The following SIK2 variants were observed in gnomAD, a reference collection of about 807,000 sequenced individuals.
SIK2 encodes serine/threonine-protein kinase SIK2.
In SIK2, 29 loss-of-function variants were observed where a neutral mutation model predicts 103.2. That is an observed-to-expected ratio of 0.28 (90% CI 0.21 to 0.38). SIK2 has a LOEUF of 0.38. SIK2 is among the 10% of genes least tolerant of loss of function. The pLI, the probability that SIK2 is intolerant of heterozygous loss-of-function variation, is 1.00. For missense variants in SIK2, 879 were observed against 1,171.0 expected, an observed-to-expected ratio of 0.75 and a Z score of 3.64; for synonymous variants, 412 against 446.1, an observed-to-expected ratio of 0.92 and a Z score of 0.96.
intron 3 of SIK2, among the ~76,000 whole-genome samples, chr11:111,679,792 G>GCTATCTGTCTTGA (rs1942753683): frequency 6.6e-6 from 1 of 152,198 alleles, no homozygotes; most frequent in African/African-American, 2.4e-5. Context: ...ACCAGCACAA[G>GCTATCTGTCTTGA]CTGAGCTGTC....
intron 4 of SIK2, among the ~76,000 whole-genome samples, chr11:111,695,419 TA>T (rs34751696): frequency 6.6e-6 from 1 of 151,918 alleles, no homozygotes; most frequent in Admixed American, 6.6e-5. Flanking sequence ...TTTCCTGTTT[TA>T]AAAAAAAGGA....
Position 111,627,265 on chromosome 11 carries a change from A to G in SIK2, c.316+6863A>G, listed in dbSNP as rs181220904. ...ATTAATCAAGTAGTGAAAAATATGTACATTAGTCCCCCCTATCAGAGGGGA... is the reference window on the plus strand; with the variant it reads ...ATTAATCAAGTAGTGAAAAATATGTGCATTAGTCCCCCCTATCAGAGGGGA... On this transcript the variant is annotated intron_variant, in intron 3 of 14. Transcript: ENST00000304987. 7.7e-4 allele frequency among the ~76,000 whole-genome samples: 117 copies of G among 152,296 alleles called. 1 individual carries two copies. The highest frequency in any genetic ancestry group is 3.4e-3 in the Middle Eastern group (1 of 294).
chr11:111,622,386 A>G (rs1309785878), intron 3 of SIK2, among the ~76,000 whole-genome samples: 1 of 148,970 alleles, frequency 6.7e-6, no homozygotes, highest in Non-Finnish European at 1.5e-5. Flanking sequence ...CTCCCAAATA[A>G]CTGGTCCTAC....
At chr11:111,625,371 C>A (rs547598710) in intron 3 of SIK2, among the ~76,000 whole-genome samples, 6 of 152,088 alleles carry the variant, frequency 3.9e-5, no homozygotes, top group Non-Finnish European at 8.8e-5. Flanking sequence ...AGTGGTCAAA[C>A]TCAGAATATA....
chr11:111,670,963 G>T, intron 3 of SIK2: 2 of 166,744 alleles, frequency 1.2e-5, no homozygotes, highest in Admixed American at 6.1e-5. Flanking sequence ...TCACTTGGAC[G>T]GGACATCAGA....
Position 111,700,876 on chromosome 11 carries a change from A to G in SIK2, c.479-10A>G, listed in dbSNP as rs766710256. The G allele has an allele frequency of 1.2e-6, 2 of 1,613,520 alleles. No homozygotes were observed. The highest frequency in any genetic ancestry group is 1.7e-5 in the Admixed American group (1 of 59,956). Reference sequence around the variant, plus strand: ...ATAGATGAAAATAACATTTATTTCCATCCTAATAGATTTCGGTTTTGGAAA... The same window carrying G: ...ATAGATGAAAATAACATTTATTTCCGTCCTAATAGATTTCGGTTTTGGAAA... On this transcript the variant is annotated splice_polypyrimidine_tract_variant and intron_variant, in intron 4 of 14. Coordinates refer to ENST00000304987, the MANE Select transcript of SIK2 (RefSeq NM_015191.3).
intron 3 of SIK2, among the ~76,000 whole-genome samples, chr11:111,669,924 G>A (rs1018734625): frequency 1.3e-5 from 2 of 152,012 alleles, no homozygotes; most frequent in African/African-American, 4.8e-5. Context: ...ATTGATACAT[G>A]ATAGATGTAC....
chr11:111,637,693 C>T (rs1452815252), intron 3 of SIK2, among the ~76,000 whole-genome samples: 1 of 152,058 alleles, frequency 6.6e-6, no homozygotes, highest in African/African-American at 2.4e-5. Flanking sequence ...AACTCCTGGT[C>T]TCAAGCAATC....
chr11:111,730,750 T>C lies in SIK2; in HGVS notation c.*6621T>C, dbSNP rs1468409039. On this transcript the variant is annotated 3_prime_UTR_variant, in exon 15 of 15. Transcript: ENST00000304987. ...AAAATGCAGTGTAATAAATAATCTC[T>C]GTACCAAATAGTAATTTAAATGGGG... The C allele has an allele frequency of 6.6e-6, 1 of 152,214 alleles. No individual in the cohort carries two copies. The highest frequency in any genetic ancestry group is 1.5e-5 in the Non-Finnish European group (1 of 68,034). The allele number at this position is 152,214 out of a possible 1,614,324, so 9.4% of individuals were successfully genotyped here.
At chr11:111,654,530 C>T (rs1942366757) in intron 3 of SIK2, among the ~76,000 whole-genome samples, 1 of 152,152 alleles carries the variant, frequency 6.6e-6, no homozygotes, top group Non-Finnish European at 1.5e-5. Flanking sequence ...CACTTGTACC[C>T]TGTTTATAGT....
At chr11:111,639,991 C>T (rs555046611) in intron 3 of SIK2, among the ~76,000 whole-genome samples, 17 of 152,266 alleles carry the variant, frequency 1.1e-4, no homozygotes, top group South Asian at 1.0e-3. Context: ...TCTGTTACTG[C>T]GCAGGGTGTG....
chr11:111,687,916 T>G (rs1942868720), intron 3 of SIK2, 85 bp from the exon 4 acceptor site: 1 of 1,513,876 alleles, frequency 6.6e-7, no homozygotes, highest in South Asian at 1.3e-5. Flanking sequence ...GAAAAAAAAC[T>G]TTTTGAGGAA....
Position 111,650,597 on chromosome 11 carries a change from CA to C in SIK2, c.316+30196del, listed in dbSNP as rs573660534. ...GTATCAATATCTAAAAATATATAAA[CA>C]TTTTTTTGATCTTAAACAGTCATTC... On this transcript the variant is annotated intron_variant, in intron 3 of 14. Transcript: ENST00000304987. 3.5e-3 allele frequency among the ~76,000 whole-genome samples: 532 copies of C among 152,172 alleles called. 3 individuals carry two copies. The highest frequency in any genetic ancestry group is 0.011 in the African/African-American group (470 of 41,538).
At position 111,703,272 on chromosome 11, in the gene SIK2, A is replaced by G. The variant is rs760093831; in HGVS notation, c.797A>G (p.Lys266Arg). Residue 266 changes from lysine to arginine, a missense_variant, in exon 7 of 15, where the codon AAG (lysine) becomes AGG (arginine). Lys to Arg is a conservative substitution (Grantham distance 26). Coordinates refer to ENST00000304987, the MANE Select transcript of SIK2 (RefSeq NM_015191.3). ...PSKRLTIAQIKEHKWMLIEVP... is the reference protein window; with the variant it reads ...PSKRLTIAQIREHKWMLIEVP... ...AAACGGCTAACCATAGCCCAAATCA[A>G]GGAGCATAAATGGATGCTCATAGAA... 2 of 1,614,194 alleles carry G rather than the reference A, an allele frequency of 1.2e-6. No homozygotes were observed. Among genetic ancestry groups the G allele is most frequent in the East Asian group, 2.2e-5 (1 of 44,880 alleles).
At chr11:111,603,057 G>C (rs1319060519) in intron 1 of SIK2, among the ~76,000 whole-genome samples, 1 of 150,336 alleles carries the variant, frequency 6.7e-6, no homozygotes, top group Non-Finnish European at 1.5e-5. Context: ...CGTCTTCCCT[G>C]CTTTCGGCTG....
intron 4 of SIK2, among the ~76,000 whole-genome samples, chr11:111,695,138 CT>C (rs1277160288): frequency 6.6e-6 from 1 of 152,184 alleles, no homozygotes; most frequent in Non-Finnish European, 1.5e-5. Context: ...CTTTCATTTC[CT>C]CATAATTGTC....
At chr11:111,704,288 CT>C (rs1439883363) in intron 7 of SIK2, among the ~76,000 whole-genome samples, 1 of 152,196 alleles carries the variant, frequency 6.6e-6, no homozygotes, top group Non-Finnish European at 1.5e-5. Context: ...TCCTGGTGCC[CT>C]GCACAGCACC....
rs759917816 is a variant in SIK2, at chr11:111,701,043, A to G, written c.603+33A>G. The G allele has an allele frequency of 2.5e-6, 4 of 1,601,320 alleles. No individual in the cohort carries two copies. Among genetic ancestry groups the G allele is most frequent in the Non-Finnish European group, 3.4e-6 (4 of 1,171,070 alleles). On this transcript the variant is annotated intron_variant, in intron 5 of 14. Transcript: ENST00000304987. This position sits in a 1 kb window ranked among gnomAD's most constrained non-coding sequence, Gnocchi z 4.2. ...TTTGCTTTGCTGTGTTGTTAAATGC[A>G]TCTATACTGATAATACTTGGTGTTC...
intron 9 of SIK2, among the ~76,000 whole-genome samples, chr11:111,717,647 G>A (rs546547451): frequency 6.6e-6 from 1 of 152,338 alleles, no homozygotes; most frequent in South Asian, 2.1e-4. Flanking sequence ...GCATGAGTCT[G>A]CTCGTTGCAG....
Sources: gnomAD v4.1 joint callset for allele counts (sites outside exome capture counted in the v4.1 genomes callset) on GRCh38, gnomAD v4.1.1 for gene constraint, Gnocchi (gnomAD v3.1) non-coding constraint, MANE v1.5 for transcripts, NCBI Gene and HGNC (gene_info 2026-07-23, HGNC 2026-07-21) for gene names.